Variants in UBE3B observed in about 807,000 individuals in gnomAD.
UBE3B encodes the protein ubiquitin protein ligase E3B.
UBE3B carries 80 observed loss-of-function variants against 132.3 expected under a neutral mutation model. The observed-to-expected ratio is 0.60, with a 90% CI of 0.50 to 0.73. The LOEUF (loss-of-function observed/expected upper bound fraction) is 0.73. Ranked by LOEUF, UBE3B falls within the 30% of genes least tolerant of loss-of-function variation. The pLI is 0.00. For synonymous variants in UBE3B, 487 were observed against 520.4 expected, an observed-to-expected ratio of 0.94 and a Z score of 0.87; for missense variants, 1,196 against 1,362.5, an observed-to-expected ratio of 0.88 and a Z score of 1.92.
At chr12:109,519,067 T>A (rs1566105001) in intron 19 of UBE3B, among the ~76,000 whole-genome samples, 1 of 152,224 alleles carries the variant, frequency 6.6e-6, no homozygotes, top group Non-Finnish European at 1.5e-5. Context: ...AGGAAGGCTC[T>A]TCTTCCCAGA....
intron 11 of UBE3B, 62 bp from the exon 12 acceptor site, chr12:109,499,571 A>C: frequency 4.3e-6 from 6 of 1,404,650 alleles, no homozygotes; most frequent in Non-Finnish European, 5.6e-6. Flanking sequence ...GGCAGGGAGC[A>C]GGGCCGGGAG....
chr12:109,488,774 G>C, intron 7 of UBE3B, 106 bp downstream of exon 7: 1 of 1,001,516 alleles, frequency 1.0e-6, no homozygotes. Flanking sequence ...CCTCAGGGAA[G>C]GCCCTGAGAC....
At chr12:109,517,023 G>A in intron 19 of UBE3B, 139 bp downstream of exon 19, 1 of 1,334,848 alleles carries the variant, frequency 7.5e-7, no homozygotes, top group Non-Finnish European at 9.9e-7. Flanking sequence ...GCAGGAAAGG[G>A]GTCATTTGTC....
At chr12:109,543,761 C>A in the UBE3B span, among the ~76,000 whole-genome samples, 4 of 151,844 alleles carry the variant, frequency 2.6e-5, no homozygotes, top group Non-Finnish European at 5.9e-5. Context: ...TGAACCCGGG[C>A]GGCAGAAGGT....
At chr12:109,501,908 C>A in intron 13 of UBE3B, among the ~76,000 whole-genome samples, 1 of 152,006 alleles carries the variant, frequency 6.6e-6, no homozygotes, top group East Asian at 1.9e-4. Context: ...AAGTGATCCT[C>A]CTACCTCAGC....
Position 109,521,307 on chromosome 12 carries a change from G to A in UBE3B, c.2236G>A (p.Ala746Thr), listed in dbSNP as rs1264817765. 1 of 1,614,210 alleles carries A rather than the reference G, an allele frequency of 6.2e-7. No individual in the cohort carries two copies. Among genetic ancestry groups the A allele is most frequent in the South Asian group, 1.1e-5 (1 of 91,086 alleles). The change falls in exon 20 of 28, where the codon GCA becomes ACA. Residue 746 changes from alanine to threonine, a missense_variant. Transcript: ENST00000342494. The surrounding 1 kb of genome is among the most constrained non-coding windows in gnomAD (Gnocchi z 4.2). The stretch of plus-strand genomic sequence containing the variant: ...GATCATCAAGAGAGTTTTTGACCCA[G>A]CACTCAATCTGTTCAAGGTATTTAA... The part of the protein sequence containing the change: ...EEIIKRVFDP[A>T]LNLFKTTSGD...
intron 26 of UBE3B, among the ~76,000 whole-genome samples, chr12:109,532,404 G>A (rs1883024346): frequency 6.6e-6 from 1 of 152,010 alleles, no homozygotes; most frequent in Non-Finnish European, 1.5e-5. Flanking sequence ...AACTTTTTTT[G>A]ATGCCCGACA....
chr12:109,483,824 TA>T, intron 3 of UBE3B, 36 bp from the exon 4 acceptor site: 1 of 1,598,680 alleles, frequency 6.3e-7, no homozygotes. Context: ...TACAAGCTGT[TA>T]ATTTAAAATG....
downstream of UBE3B, among the ~76,000 whole-genome samples, chr12:109,538,871 GC>G (rs1189519129): frequency 6.6e-6 from 1 of 152,184 alleles, no homozygotes; most frequent in African/African-American, 2.4e-5. The surrounding 1 kb of genome is among the most constrained non-coding windows in gnomAD (Gnocchi z 4.1). Flanking sequence ...GCGTTTCCAG[GC>G]CCCTGTGGCC....
At chr12:109,523,859 G>A (rs1053131409) in intron 21 of UBE3B, 119 bp from the exon 22 acceptor site, 3 of 1,440,204 alleles carry the variant, frequency 2.1e-6, no homozygotes, top group East Asian at 2.3e-5. Context: ...TGGAAACTTA[G>A]GAGGGGCCTG....
chr12:109,526,243 T>C, intron 23 of UBE3B, 115 bp from the exon 24 acceptor site: 1 of 1,040,542 alleles, frequency 9.6e-7, no homozygotes, highest in Non-Finnish European at 1.5e-6. Context: ...CCCAAGCATG[T>C]GCCATCTTAA....
intron 3 of UBE3B, 74 bp downstream of exon 3, chr12:109,483,786 T>C: frequency 6.3e-7 from 1 of 1,587,908 alleles, no homozygotes; most frequent in Non-Finnish European, 8.6e-7. Context: ...TTTTTTCTCA[T>C]AAAGTGCTTG....
chr12:109,525,174 C>G (rs897731975), intron 23 of UBE3B, among the ~76,000 whole-genome samples: 2 of 152,160 alleles, frequency 1.3e-5, no homozygotes, highest in Admixed American at 6.5e-5. Flanking sequence ...TTGCCAGATG[C>G]GAGTCCTGGA....
intron 10 of UBE3B, 60 bp from the exon 11 acceptor site, chr12:109,498,173 A>G (rs753580359): frequency 5.5e-5 from 88 of 1,596,224 alleles, no homozygotes; most frequent in Non-Finnish European, 7.0e-5. Context: ...GATCAAGTTC[A>G]CTCTCTACAG....
intron 13 of UBE3B, among the ~76,000 whole-genome samples, chr12:109,502,317 G>A (rs1291944521): frequency 1.3e-5 from 2 of 152,198 alleles, no homozygotes; most frequent in Non-Finnish European, 2.9e-5. Flanking sequence ...CTGAACCACA[G>A]GCGGGGCTAG....
At chr12:109,526,585 A>G (rs753070117) in intron 24 of UBE3B, among the ~76,000 whole-genome samples, 169 bp downstream of exon 24, 2 of 152,220 alleles carry the variant, frequency 1.3e-5, no homozygotes, top group South Asian at 2.1e-4. Flanking sequence ...ATTAAATTCA[A>G]TTTGCGGCCG....
At chr12:109,486,389 A>AGT in intron 5 of UBE3B, 82 bp from the exon 6 acceptor site, 25 of 1,125,228 alleles carry the variant, frequency 2.2e-5, no homozygotes, top group Non-Finnish European at 3.1e-5. Flanking sequence ...GACCTAACTA[A>AGT]TAGGTCCAGT....
intron 9 of UBE3B, chr12:109,491,782 T>C (rs1309037382): frequency 6.6e-6 from 1 of 152,278 alleles, no homozygotes; most frequent in Non-Finnish European, 1.5e-5. Context: ...TGGTGAAAGC[T>C]GCCTGCTCTG....
At position 109,509,601 on chromosome 12, in the gene UBE3B, T is replaced by G. The variant is rs1880110807; in HGVS notation, c.1628T>G (p.Leu543Arg). The G allele has an allele frequency of 1.3e-6, 2 of 1,595,942 alleles. No individual in the cohort carries two copies. The highest frequency in any genetic ancestry group is 4.5e-5 in the East Asian group (2 of 44,602). ...TAATTTTCTCTCTGATTTAGAATCC[T>G]TGATGACATTGAAGTTTATGAAGAA... ...CDCSRHLITI[L>R]DDIEVYEEQI... The change falls in exon 16 of 28, where the codon CTT (leucine) becomes CGT (arginine). Residue 543 changes from leucine to arginine, a missense_variant. Physicochemically the swap from Leu to Arg is moderately radical, Grantham distance 102 (BLOSUM62 -2). Transcript: ENST00000342494.
Sources: gnomAD v4.1 joint callset for allele counts (sites outside exome capture counted in the v4.1 genomes callset) on GRCh38, gnomAD v4.1.1 for gene constraint, Gnocchi (gnomAD v3.1) non-coding constraint, MANE v1.5 for transcripts, NCBI Gene and HGNC (gene_info 2026-07-23, HGNC 2026-07-21) for gene names.